FMN2: variants seen among roughly 807,000 people sequenced by gnomAD.
FMN2 encodes the protein formin-2.
In FMN2, 51 loss-of-function variants were observed where a neutral mutation model predicts 142.3. The observed-to-expected ratio is 0.36, with a 90% CI of 0.29 to 0.45. The LOEUF (loss-of-function observed/expected upper bound fraction) is 0.45, where lower values mean the gene tolerates loss of function less well. Ranked by LOEUF, FMN2 falls within the 20% of genes least tolerant of loss-of-function variation. The pLI is 1.00. For synonymous variants in FMN2, 882 were observed against 869.8 expected (o/e 1.01, Z -0.25); for missense variants, 1,936 against 2,122.8 (o/e 0.91, Z 1.73).
intron 1 of FMN2, among the ~76,000 whole-genome samples, chr1:240,121,735 T>TAGAAAAAAAAA (rs1662264192): frequency 3.9e-5 from 1 of 25,672 alleles, no homozygotes; most frequent in Non-Finnish European, 6.4e-5. Context: ...AGGGAAATAG[T>TAGAAAAAAAAA]AAAAAAAAAA....
chr1:240,345,355 A>G (rs1379083573), intron 13 of FMN2, among the ~76,000 whole-genome samples: 1 of 152,202 alleles, frequency 6.6e-6, no homozygotes, highest in Non-Finnish European at 1.5e-5. Context: ...AAAACTGTTA[A>G]AAGTCAGAGA....
intron 2 of FMN2, among the ~76,000 whole-genome samples, chr1:240,176,523 C>A (rs1333275416): frequency 6.6e-6 from 1 of 152,196 alleles, no homozygotes; most frequent in South Asian, 2.1e-4. Context: ...GGCTGTCACA[C>A]CTTGACATCA....
intron 2 of FMN2, among the ~76,000 whole-genome samples, chr1:240,146,228 A>AC (rs1481993700): frequency 1.3e-5 from 2 of 150,546 alleles, no homozygotes; most frequent in African/African-American, 4.9e-5. Context: ...CTAAAAAAAA[A>AC]AAAAAAATAC....
intron 14 of FMN2, among the ~76,000 whole-genome samples, chr1:240,385,658 G>A (rs1673380075): frequency 6.6e-6 from 1 of 152,166 alleles, no homozygotes; most frequent in Non-Finnish European, 1.5e-5. Flanking sequence ...TCTACTTTGG[G>A]TTTAAAACGA....
intron 14 of FMN2, among the ~76,000 whole-genome samples, chr1:240,364,653 G>A (rs1265658690): frequency 2.6e-5 from 4 of 152,122 alleles, no homozygotes; most frequent in African/African-American, 4.8e-5. Context: ...AAGAGCCTCT[G>A]AGGAGTGACA....
rs780602178 is a variant in FMN2 at position 240,207,857 on chromosome 1, C to T, written c.3045C>T (p.Pro1015=). ...GCATACCCCCTCCTCCCCCTCTTCC[C>T]GGAGCGGGCATACCTCCTCCACCCC... ...GAGIPPPPPL[P]GAGIPPPPPL... is the part of the protein sequence containing the mutation. Residue 1015 remains proline (P), a synonymous_variant, in exon 5 of 18, where the codon CCC becomes CCT. Coordinates refer to ENST00000319653, the MANE Select transcript of FMN2 (RefSeq NM_020066.5). 5 of 440,198 alleles carry T rather than the reference C, an allele frequency of 1.1e-5. No homozygotes were observed. Among genetic ancestry groups the T allele is most frequent in the East Asian group, 8.7e-5 (2 of 22,926 alleles). The allele number at this position is 440,198 out of a possible 1,614,324, so 27.3% of individuals were successfully genotyped here.
At position 240,148,315 on chromosome 1, in the gene FMN2, GAC is replaced by G. The variant is rs1553332735; in HGVS notation, c.1782+24972_1782+24973del. The stretch of plus-strand genomic sequence containing the variant: ...AGACAGAGACAGAGAGAGAGAGACA[GAC>G]AGAAACAGAGAGACAGACAGATAAA... On this transcript the variant is annotated intron_variant, in intron 2 of 17. Transcript: ENST00000319653. 1.1e-4 allele frequency among the ~76,000 whole-genome samples: 17 copies of G among 149,742 alleles called. No homozygotes were observed. The Admixed American group carries it at 1.1e-3, about 10-fold the overall frequency.
At position 240,092,200 on chromosome 1, in the gene FMN2, G is replaced by A. The variant is rs1374725062; in HGVS notation, c.91G>A (p.Asp31Asn). ...GGAEDALGPRDVEATKKGSGG... is the reference protein window; with the variant it reads ...GGAEDALGPRNVEATKKGSGG... ...CGCCGAGGATGCGCTGGGGCCCAGG[G>A]ATGTGGAAGCCACAAAGAAGGGGAG... The change falls in exon 1 of 18, where the codon GAT (aspartate) becomes AAT (asparagine). Residue 31 changes from aspartate to asparagine, a missense_variant. Asp to Asn is a conservative substitution (Grantham distance 23, BLOSUM62 1). Coordinates refer to ENST00000319653, the MANE Select transcript of FMN2 (RefSeq NM_020066.5). 1.3e-6 allele frequency: 2 copies of A among 1,583,064 alleles called. No homozygotes were observed. Among genetic ancestry groups the A allele is most frequent in the Non-Finnish European group, 1.7e-6 (2 of 1,165,930 alleles).
At position 240,163,452 on chromosome 1, in the gene FMN2, T is replaced by A. The variant is rs532380203; in HGVS notation, c.1783-14469T>A. 7.2e-5 allele frequency among the ~76,000 whole-genome samples: 11 copies of A among 152,330 alleles called. No homozygotes were observed. The South Asian group carries it at 2.3e-3, about 32-fold the overall frequency. ...AATTACATTTTTATCAATAGAAGAC[T>A]CTCACTTTGTTTCTTATGATGCTTT... On this transcript the variant is annotated intron_variant, in intron 2 of 17. Transcript: ENST00000319653.
intron 2 of FMN2, 180 bp from the exon 3 acceptor site, chr1:240,177,741 G>GAA: frequency 2.3e-6 from 1 of 442,170 alleles, no homozygotes; most frequent in Non-Finnish European, 3.7e-6. Flanking sequence ...ATGACTGCGT[G>GAA]AAAAAAATGT....
chr1:240,396,305 TGTGTGTGTGTG>T (rs1673773362), intron 15 of FMN2, among the ~76,000 whole-genome samples: 5 of 94,490 alleles, frequency 5.3e-5, no homozygotes, highest in East Asian at 2.3e-4. Flanking sequence ...GAGGTTTTCG[TGTGTGTGTGTG>T]TGTGTGTGTG....
chr1:240,296,751 G>A (rs191992647), intron 8 of FMN2, among the ~76,000 whole-genome samples: 12 of 152,048 alleles, frequency 7.9e-5, no homozygotes, highest in Non-Finnish European at 1.6e-4. Context: ...ATGTCTCATG[G>A]TGCATTGTAC....
At position 240,388,804 on chromosome 1, in the gene FMN2, G is replaced by T. The variant is rs756043072; in HGVS notation, c.4859-3707G>T. Among the ~76,000 whole-genome samples the T allele has an allele frequency of 5.3e-4, 79 of 149,026 alleles. No individual in the cohort carries two copies. In the Middle Eastern group the frequency reaches 0.01, roughly 20 times the overall value. On this transcript the variant is annotated intron_variant, in intron 14 of 17. Transcript: ENST00000319653. ...TTGAACCTGGGAGGCGGAGGTTGCA[G>T]TGAGCCGAGATCTCGCCATTGGACT...
At chr1:240,329,583 G>A in intron 10 of FMN2, 115 bp downstream of exon 10, 1 of 1,352,550 alleles carries the variant, frequency 7.4e-7, no homozygotes. Flanking sequence ...AAATTTGAAG[G>A]ATCGCAGTCC....
intron 7 of FMN2, among the ~76,000 whole-genome samples, chr1:240,263,565 A>G (rs1474930072): frequency 6.6e-6 from 1 of 152,220 alleles, no homozygotes; most frequent in Non-Finnish European, 1.5e-5. Flanking sequence ...TAGTATGCGT[A>G]TTAAAGCCTC....
chr1:240,258,503 C>T lies in FMN2; in HGVS notation c.4153+471C>T, dbSNP rs188853415. ...CTGTTTTATAAGGGGACTGATCCCA[C>T]GCACGAGAATTCTACCCTTGTGACC... is the stretch of plus-strand genomic sequence containing the variant. On this transcript the variant is annotated intron_variant, in intron 7 of 17. Coordinates refer to ENST00000319653, the MANE Select transcript of FMN2 (RefSeq NM_020066.5). 1.3e-4 allele frequency among the ~76,000 whole-genome samples: 20 copies of T among 152,246 alleles called. No individual in the cohort carries two copies. The East Asian group carries it at 3.3e-3, about 25-fold the overall frequency.
At chr1:240,435,245 T>TA (rs988710398) in intron 15 of FMN2, among the ~76,000 whole-genome samples, 1 of 152,064 alleles carries the variant, frequency 6.6e-6, no homozygotes, top group African/African-American at 2.4e-5. Flanking sequence ...AGCAACCACT[T>TA]ACAGATGAAA....
At chr1:240,293,549 T>G (rs531349522) in intron 7 of FMN2, among the ~76,000 whole-genome samples, 1 of 152,158 alleles carries the variant, frequency 6.6e-6, no homozygotes, top group Non-Finnish European at 1.5e-5. Context: ...TAATCCTTTT[T>G]AATTAATTTT....
intron 15 of FMN2, among the ~76,000 whole-genome samples, chr1:240,416,262 C>CTT (rs11417639): frequency 0.03 from 3,986 of 135,068 alleles, 190 homozygotes; most frequent in African/African-American, 0.081. Context: ...CCTTTCCACT[C>CTT]TTTTTTTTTT....
Sources: gnomAD v4.1 joint callset for allele counts (sites outside exome capture counted in the v4.1 genomes callset) on GRCh38, gnomAD v4.1.1 for gene constraint, MANE v1.5 for transcripts, NCBI Gene and HGNC (gene_info 2026-07-23, HGNC 2026-07-21) for gene names.